The following TMEM117 variants were observed in gnomAD, a reference collection of about 807,000 sequenced individuals.
TMEM117 encodes transmembrane protein 117.
TMEM117 carries 27 observed loss-of-function variants against 52.4 expected under a neutral mutation model. That is an observed-to-expected ratio of 0.51 (90% CI 0.38 to 0.71). The LOEUF is 0.71. Among genes scored for constraint, TMEM117 ranks in the 30% least tolerant of loss-of-function variants. The pLI is 0.00. For synonymous variants in TMEM117, 215 were observed against 206.3 expected (o/e 1.04, Z -0.36); for missense variants, 556 against 630.5 (o/e 0.88, Z 1.26).
chr12:43,922,241 T>A (rs888537436), intron 2 of TMEM117, among the ~76,000 whole-genome samples: 1 of 152,150 alleles, frequency 6.6e-6, no homozygotes, highest in African/African-American at 2.4e-5. Context: ...ACGCGTGCAG[T>A]GGGTTCTCTA....
At chr12:44,390,837 AC>A (rs1465510155), downstream of TMEM117, among the ~76,000 whole-genome samples, 1 of 152,064 alleles carries the variant, frequency 6.6e-6, no homozygotes, top group Non-Finnish European at 1.5e-5. Flanking sequence ...TTGCATTTAT[AC>A]CAAGTAAAGA....
rs546300554 is a variant in TMEM117, at chr12:44,199,204, A to G, written c.511-12086A>G. On this transcript the variant is annotated intron_variant, in intron 4 of 7. Transcript: ENST00000266534. ...TCTCATTCTGATGTTGGCTTTGGCT[A>G]TTGGTAAATCAGTATATCCTGAACC... Among the ~76,000 whole-genome samples the G allele has an allele frequency of 1.1e-4, 16 of 152,246 alleles. No individual in the cohort carries two copies. The South Asian group carries it at 2.7e-3, about 26-fold the overall frequency.
chr12:44,369,218 G>A (rs528490015), intron 6 of TMEM117, among the ~76,000 whole-genome samples: 1 of 152,242 alleles, frequency 6.6e-6, no homozygotes, highest in Admixed American at 6.5e-5. Flanking sequence ...CATCACATCA[G>A]TCTGCCAGGG....
At chr12:43,936,417 C>G (rs1034032587) in intron 2 of TMEM117, among the ~76,000 whole-genome samples, 1 of 151,984 alleles carries the variant, frequency 6.6e-6, no homozygotes, top group Non-Finnish European at 1.5e-5. Flanking sequence ...GTTTGATTTC[C>G]TGGTAGGATA....
chr12:44,027,119 ATTATTTTATTTTATATTTTATTTTATT>A (rs1946547769), intron 3 of TMEM117, among the ~76,000 whole-genome samples: 1 of 115,468 alleles, frequency 8.7e-6, no homozygotes, highest in African/African-American at 4.3e-5. Context: ...ATTTTATCTT[ATTATTTTATTTTATATTTTATTTTATT>A]TTATTTTATT....
At chr12:44,300,740 A>G (rs1344782777) in intron 6 of TMEM117, among the ~76,000 whole-genome samples, 1 of 152,214 alleles carries the variant, frequency 6.6e-6, no homozygotes, top group Non-Finnish European at 1.5e-5. Flanking sequence ...AAAATACACT[A>G]TCATTTTTAA....
At chr12:44,221,187 T>TA (rs1449076081) in intron 5 of TMEM117, among the ~76,000 whole-genome samples, 1 of 152,216 alleles carries the variant, frequency 6.6e-6, no homozygotes, top group Non-Finnish European at 1.5e-5. Flanking sequence ...ATCTGTACCA[T>TA]AAAAATGCTG....
At chr12:44,385,464 G>A (rs574625483) in intron 7 of TMEM117, among the ~76,000 whole-genome samples, 1 of 152,280 alleles carries the variant, frequency 6.6e-6, no homozygotes, top group South Asian at 2.1e-4. Flanking sequence ...AGCCAGGTAT[G>A]GTGACTTGAG....
chr12:44,277,996 T>G (rs1158073561), intron 5 of TMEM117, among the ~76,000 whole-genome samples: 1 of 151,990 alleles, frequency 6.6e-6, no homozygotes, highest in Non-Finnish European at 1.5e-5. Context: ...ACTCCTGACC[T>G]TGTGATCTGC....
chr12:44,059,355 T>C (rs935071943), intron 3 of TMEM117, among the ~76,000 whole-genome samples: 2 of 152,146 alleles, frequency 1.3e-5, no homozygotes, highest in African/African-American at 4.8e-5. Context: ...AATGTGTAAA[T>C]AAATGTGAAA....
At chr12:43,920,072 A>G (rs1159063551) in intron 2 of TMEM117, among the ~76,000 whole-genome samples, 1 of 151,822 alleles carries the variant, frequency 6.6e-6, no homozygotes, top group Non-Finnish European at 1.5e-5. Context: ...AATCTCTGCA[A>G]CCTCTCCTTT....
At chr12:44,107,194 G>A (rs1422868872) in intron 3 of TMEM117, among the ~76,000 whole-genome samples, 1 of 152,004 alleles carries the variant, frequency 6.6e-6, no homozygotes, top group Non-Finnish European at 1.5e-5. Context: ...GTAAAACTAA[G>A]AAAATTGAAG....
chr12:44,036,851 T>A (rs1409484139), intron 3 of TMEM117, among the ~76,000 whole-genome samples: 1 of 152,278 alleles, frequency 6.6e-6, no homozygotes, highest in African/African-American at 2.4e-5. Flanking sequence ...AGGTCTGTTC[T>A]TATTATGTAA....
intron 2 of TMEM117, among the ~76,000 whole-genome samples, chr12:43,939,275 C>A (rs2137602245): frequency 6.6e-6 from 1 of 152,046 alleles, no homozygotes; most frequent in East Asian, 1.9e-4. Context: ...TATAGGTTGG[C>A]CAAATCATAT....
intron 6 of TMEM117, among the ~76,000 whole-genome samples, chr12:44,312,883 C>T (rs967739570): frequency 1.3e-5 from 2 of 152,068 alleles, no homozygotes; most frequent in African/African-American, 4.8e-5. Context: ...TTTTCATAAG[C>T]TTGTTAGCTC....
the TMEM117 span, among the ~76,000 whole-genome samples, chr12:43,824,183 C>G: frequency 6.6e-6 from 1 of 152,224 alleles, no homozygotes; most frequent in East Asian, 1.9e-4. Flanking sequence ...CTATCGAATT[C>G]TAATACAGAA....
In TMEM117 at chr12:44,116,840, C is replaced by T. The variant is rs116525514; in HGVS notation, c.411-26685C>T. Among the ~76,000 whole-genome samples the T allele has an allele frequency of 2.2e-3, 337 of 152,330 alleles. 1 individual carries two copies. The highest frequency in any genetic ancestry group is 7.6e-3 in the African/African-American group (317 of 41,572). ...AAAGACTTTAACTGTGTCCCCACCTCCTCATGACTGCTGCTAGTTCCTTAG... is the reference window on the plus strand; with the variant it reads ...AAAGACTTTAACTGTGTCCCCACCTTCTCATGACTGCTGCTAGTTCCTTAG... On this transcript the variant is annotated intron_variant, in intron 3 of 7. Transcript: ENST00000266534.
rs75037432 is a variant in TMEM117, at chr12:43,893,825, A to G, written c.277+48897A>G. Among the ~76,000 whole-genome samples, 3 of 152,350 alleles carry G rather than the reference A, an allele frequency of 2.0e-5. No individual in the cohort carries two copies. The South Asian group carries it at 6.2e-4, about 32-fold the overall frequency. ...TTGTGATTTTGTGGGTTAGAAATAC[A>G]TGAAGGACTCGGGTGCGTGACTCAT... On this transcript the variant is annotated intron_variant, in intron 2 of 7. Coordinates refer to ENST00000266534, the MANE Select transcript of TMEM117 (RefSeq NM_032256.3).
At chr12:44,132,721 T>A (rs1948434457) in intron 3 of TMEM117, among the ~76,000 whole-genome samples, 1 of 152,180 alleles carries the variant, frequency 6.6e-6, no homozygotes, top group South Asian at 2.1e-4. Flanking sequence ...TTTAAATTCC[T>A]ACATTGTCAT....
Sources: allele counts gnomAD v4.1 joint callset (sites outside exome capture counted in the v4.1 genomes callset), GRCh38; gene constraint gnomAD v4.1.1; transcripts MANE v1.5; gene names NCBI Gene and HGNC (gene_info 2026-07-23, HGNC 2026-07-21).